The following TEX2 variants were observed in gnomAD, a reference collection of about 807,000 sequenced individuals.
TEX2 encodes testis expressed 2.
TEX2 carries 53 observed loss-of-function variants against 106.9 expected under a neutral mutation model. The observed-to-expected ratio is 0.50, with a 90% CI of 0.40 to 0.62. The LOEUF (loss-of-function observed/expected upper bound fraction) is 0.62, where lower values mean the gene tolerates loss of function less well. TEX2 is among the 20% of genes least tolerant of loss of function. TEX2 has a pLI of 0.00. For missense variants in TEX2, 1,207 were observed against 1,379.0 expected (o/e 0.88, Z 1.98); for synonymous variants, 523 against 534.8 (o/e 0.98, Z 0.30).
intron 1 of TEX2, among the ~76,000 whole-genome samples, chr17:64,215,800 G>A (rs1446266793): frequency 6.6e-6 from 1 of 152,136 alleles, no homozygotes; most frequent in African/African-American, 2.4e-5. Flanking sequence ...TCTTTAATTT[G>A]AAGAGCTCCT....
intron 1 of TEX2, chr17:64,239,295 G>C (rs931000811): frequency 6.6e-5 from 10 of 152,162 alleles, no homozygotes; most frequent in Non-Finnish European, 1.5e-4. Flanking sequence ...TCTTAGTCTT[G>C]AAATAACCTT....
At chr17:64,211,153 G>A (rs1210619603) in intron 2 of TEX2, among the ~76,000 whole-genome samples, 4 of 152,050 alleles carry the variant, frequency 2.6e-5, no homozygotes, top group African/African-American at 9.7e-5. Flanking sequence ...TAGAGACAGG[G>A]TTTCACCATG....
At chr17:64,201,979 C>T (rs2032678740) in intron 2 of TEX2, among the ~76,000 whole-genome samples, 1 of 152,174 alleles carries the variant, frequency 6.6e-6, no homozygotes, top group South Asian at 2.1e-4. Flanking sequence ...AAGTACAGTG[C>T]TAGCTGTGTG....
At chr17:64,229,900 T>C (rs1567958331) in intron 1 of TEX2, among the ~76,000 whole-genome samples, 2 of 152,196 alleles carry the variant, frequency 1.3e-5, no homozygotes, top group Non-Finnish European at 2.9e-5. Flanking sequence ...TCAGATTAAT[T>C]CTTCAAAAAC....
chr17:64,254,516 G>GCA (rs1372942602), intron 1 of TEX2, among the ~76,000 whole-genome samples: 2 of 152,174 alleles, frequency 1.3e-5, no homozygotes, highest in South Asian at 2.1e-4. Context: ...ATTCTCAGTT[G>GCA]CACTAACCAC....
At chr17:64,173,148 G>A (rs1213038481) in intron 6 of TEX2, among the ~76,000 whole-genome samples, 2 of 152,114 alleles carry the variant, frequency 1.3e-5, no homozygotes, top group Non-Finnish European at 2.9e-5. Flanking sequence ...CTGCACTGGA[G>A]TCTGTACTGA....
chr17:64,153,155 C>T lies in TEX2; in HGVS notation c.2931-1G>A. The T allele has an allele frequency of 6.2e-7, 1 of 1,609,994 alleles. No homozygotes were observed. Among genetic ancestry groups the T allele is most frequent in the Non-Finnish European group, 8.5e-7 (1 of 1,177,184 alleles). On this transcript the variant is annotated splice_acceptor_variant, in intron 9 of 11. Coordinates refer to ENST00000584379, the MANE Select transcript of TEX2 (RefSeq NM_001288732.2). LOFTEE classifies it high-confidence loss of function. This position sits in a 1 kb window ranked among gnomAD's most constrained non-coding sequence, Gnocchi z 4.1. ...ACTTGTTCGATGACCTCCAACGTACCTTCAAATGTGGAACACAAAGGGCGG... is the reference window on the plus strand; with the variant it reads ...ACTTGTTCGATGACCTCCAACGTACTTTCAAATGTGGAACACAAAGGGCGG...
At chr17:64,259,982 C>G (rs2034261665) in intron 1 of TEX2, among the ~76,000 whole-genome samples, 1 of 152,180 alleles carries the variant, frequency 6.6e-6, no homozygotes, top group African/African-American at 2.4e-5. Flanking sequence ...TATTTTCCCA[C>G]TTTACAAAGA....
chr17:64,184,288 G>A (rs1362282113), intron 5 of TEX2, among the ~76,000 whole-genome samples: 3 of 151,740 alleles, frequency 2.0e-5, no homozygotes, highest in African/African-American at 7.3e-5. Context: ...TTTTTGTAGA[G>A]ATGGAGTCTC....
intron 1 of TEX2, among the ~76,000 whole-genome samples, chr17:64,247,142 G>T (rs1415744686): frequency 6.6e-6 from 1 of 151,938 alleles, no homozygotes; most frequent in Non-Finnish European, 1.5e-5. Context: ...GCTGGGCGTG[G>T]TGGCAGGTGC....
At chr17:64,257,145 ATCT>A (rs1487554500) in intron 1 of TEX2, among the ~76,000 whole-genome samples, 2 of 152,248 alleles carry the variant, frequency 1.3e-5, no homozygotes, top group Non-Finnish European at 2.9e-5. Context: ...TGTTGCAATA[ATCT>A]TCTTAGGGAA....
chr17:64,232,646 A>C lies in TEX2; in HGVS notation c.-25-18404T>G, dbSNP rs533732410. Among the ~76,000 whole-genome samples, 63 of 152,306 alleles carry C rather than the reference A, an allele frequency of 4.1e-4. 1 individual carries two copies. The highest frequency in any genetic ancestry group is 3.4e-3 in the Middle Eastern group (1 of 294). ...AGACCTGGTACCAGCTCCAGTAACA[A>C]TATCTACAGTTAGACCAATCCTGTG... On this transcript the variant is annotated intron_variant, in intron 1 of 11. Transcript: ENST00000584379.
At chr17:64,232,626 T>C (rs1267500244) in intron 1 of TEX2, among the ~76,000 whole-genome samples, 2 of 152,216 alleles carry the variant, frequency 1.3e-5, no homozygotes, top group South Asian at 2.1e-4. Context: ...AAGTGAGACC[T>C]GGTACCAGCT....
At position 64,193,586 on chromosome 17, in the gene TEX2, A is replaced by T; in HGVS notation, c.2149T>A (p.Ser717Thr). The T allele has an allele frequency of 2.8e-6, 4 of 1,449,418 alleles. No individual in the cohort carries two copies. Among genetic ancestry groups the T allele is most frequent in the Non-Finnish European group, 3.7e-6 (4 of 1,093,750 alleles). 89.8% of individuals were successfully genotyped at this position (1,449,418 alleles called of 1,614,324 possible). A position where few individuals can be genotyped will look rare whatever the true frequency, so the allele number is the denominator to read the frequency against. Residue 717 changes from serine to threonine, a missense_variant, in exon 4 of 12, where the codon TCA becomes ACA. Transcript: ENST00000584379. ...ASKLKSEIKKSSGVSGGKPGL... is the reference protein window; with the variant it reads ...ASKLKSEIKKTSGVSGGKPGL... ...GGTTTACCTCCAGAGACACCCGATG[A>T]CTTCTTGATTTCCGACTTTAGCTTA...
chr17:64,154,543 T>A (rs1422377038), intron 9 of TEX2, among the ~76,000 whole-genome samples: 1 of 152,174 alleles, frequency 6.6e-6, no homozygotes. Flanking sequence ...GGGTGTATGC[T>A]CGGTTCCTTC....
rs533674885 is a variant in TEX2 at position 64,201,892 on chromosome 17, AGGT to A, written c.1645-6800_1645-6798del. Among the ~76,000 whole-genome samples the A allele has an allele frequency of 2.0e-3, 307 of 152,316 alleles. 1 individual carries two copies. The highest frequency in any genetic ancestry group is 7.1e-3 in the African/African-American group (297 of 41,576). Reference sequence around the variant, plus strand: ...AATACATGAGGGAAGCCTAATTCAGAGGTGGCTGTGAGGATTAAATGAAATCTA... The same window carrying A: ...AATACATGAGGGAAGCCTAATTCAGAGGCTGTGAGGATTAAATGAAATCTA... On this transcript the variant is annotated intron_variant, in intron 2 of 11. Transcript: ENST00000584379.
intron 2 of TEX2, among the ~76,000 whole-genome samples, chr17:64,209,068 C>T (rs782720661): frequency 2.6e-5 from 4 of 152,264 alleles, no homozygotes; most frequent in South Asian, 4.1e-4. Context: ...ATACCTAATA[C>T]GTGGCAGGTG....
chr17:64,248,018 G>A (rs1344867375), intron 1 of TEX2, among the ~76,000 whole-genome samples: 3 of 152,206 alleles, frequency 2.0e-5, no homozygotes, highest in African/African-American at 7.2e-5. Context: ...GAGACAGCAT[G>A]TGAAATCTCA....
At chr17:64,247,591 G>A (rs2034014266) in intron 1 of TEX2, among the ~76,000 whole-genome samples, 1 of 152,200 alleles carries the variant, frequency 6.6e-6, no homozygotes, top group East Asian at 1.9e-4. Context: ...CCAGGCTTGC[G>A]CACGGATGCC....
Sources: allele counts gnomAD v4.1 joint callset (sites outside exome capture counted in the v4.1 genomes callset), GRCh38; gene constraint gnomAD v4.1.1; non-coding constraint Gnocchi (gnomAD v3.1); transcripts MANE v1.5; gene names NCBI Gene and HGNC (gene_info 2026-07-23, HGNC 2026-07-21).